Variants in CARMIL1 observed in about 807,000 individuals in gnomAD.
The protein encoded by CARMIL1 is F-actin-uncapping protein LRRC16A.
A neutral mutation model predicts 177.1 loss-of-function variants in CARMIL1; 90 were observed. The ratio of observed to expected loss-of-function variants is 0.51; its 90% CI spans 0.43 to 0.61. The LOEUF is 0.61. Ranked by LOEUF, CARMIL1 falls within the 20% of genes least tolerant of loss-of-function variation. The probability of loss-of-function intolerance (pLI) is 0.00; values close to 1 mark genes in which losing one functional copy is unlikely to be tolerated. For missense variants in CARMIL1, 1,380 were observed against 1,667.0 expected, an observed-to-expected ratio of 0.83 and a Z score of 3.00; for synonymous variants, 577 against 606.2, an observed-to-expected ratio of 0.95 and a Z score of 0.71.
intron 20 of CARMIL1, 52 bp downstream of exon 20, chr6:25,510,814 T>C: frequency 9.4e-7 from 1 of 1,065,868 alleles, no homozygotes; most frequent in Non-Finnish European, 1.4e-6. Context: ...TTGCCATTCT[T>C]ACTGATTATT....
At chr6:25,353,696 A>T (rs923193760) in intron 2 of CARMIL1, among the ~76,000 whole-genome samples, 1 of 152,076 alleles carries the variant, frequency 6.6e-6, no homozygotes, top group African/African-American at 2.4e-5. Flanking sequence ...AGATGAGGGC[A>T]CTTTGTACGT....
intron 3 of CARMIL1, 176 bp downstream of exon 3, chr6:25,420,340 G>A (rs952208926): frequency 6.3e-6 from 4 of 638,016 alleles, no homozygotes; most frequent in Non-Finnish European, 8.2e-6. Flanking sequence ...ATTTCTCTTA[G>A]CACATTCAAG....
chr6:25,613,327 A>G (rs1816649491), intron 36 of CARMIL1, among the ~76,000 whole-genome samples: 1 of 152,236 alleles, frequency 6.6e-6, no homozygotes, highest in Admixed American at 6.5e-5. Flanking sequence ...GAAAGGATCA[A>G]TAAAAAGTCA....
chr6:25,452,749 C>T (rs1487640999), intron 8 of CARMIL1, among the ~76,000 whole-genome samples: 1 of 152,160 alleles, frequency 6.6e-6, no homozygotes. Flanking sequence ...TCTGCATTCA[C>T]AAAATTGTGA....
At chr6:25,304,355 G>A (rs1390216629) in intron 2 of CARMIL1, among the ~76,000 whole-genome samples, 3 of 152,166 alleles carry the variant, frequency 2.0e-5, no homozygotes, top group Non-Finnish European at 2.9e-5. Context: ...TCTTAACTAG[G>A]ATGTCCTATA....
chr6:25,447,334 T>C (rs1798330653), intron 5 of CARMIL1, among the ~76,000 whole-genome samples: 1 of 152,178 alleles, frequency 6.6e-6, no homozygotes. Context: ...TGAGGTTTTC[T>C]CTAGGAGTAG....
rs1213842144 is a variant in CARMIL1, at chr6:25,554,077, C to T, written c.2573C>T (p.Ser858Leu). Residue 858 changes from serine to leucine, a missense_variant, in exon 28 of 37, where the codon TCA becomes TTA. Coordinates refer to ENST00000329474, the MANE Select transcript of CARMIL1 (RefSeq NM_017640.6). This position sits in a 1 kb window ranked among gnomAD's most constrained non-coding sequence, Gnocchi z 4.6. ...RIVDEILDALSHCHHKLADHF... is the reference protein window; with the variant it reads ...RIVDEILDALLHCHHKLADHF... ...GTGGATGAAATCCTGGATGCACTCT[C>T]ACATTGCCATCATAAACTGGTGAGT... 1.9e-6 allele frequency: 3 copies of T among 1,595,676 alleles called. No individual in the cohort carries two copies. The highest frequency in any genetic ancestry group is 2.6e-6 in the Non-Finnish European group (3 of 1,170,610).
At chr6:25,288,387 G>C (rs1781683387) in intron 2 of CARMIL1, among the ~76,000 whole-genome samples, 2 of 151,592 alleles carry the variant, frequency 1.3e-5, no homozygotes, top group Non-Finnish European at 2.9e-5. Flanking sequence ...TGCCACCTGT[G>C]TATAATGAAA....
chr6:25,293,853 C>T (rs961591027), intron 2 of CARMIL1, among the ~76,000 whole-genome samples: 3 of 152,152 alleles, frequency 2.0e-5, no homozygotes, highest in African/African-American at 7.2e-5. Flanking sequence ...TCCCAAGTGG[C>T]TAAGACTACA....
chr6:25,476,043 C>G (rs1259680574), intron 11 of CARMIL1, among the ~76,000 whole-genome samples: 2 of 152,218 alleles, frequency 1.3e-5, no homozygotes, highest in Non-Finnish European at 2.9e-5. Flanking sequence ...AAGACTTCGT[C>G]CACAATCAAC....
intron 29 of CARMIL1, among the ~76,000 whole-genome samples, chr6:25,568,082 G>A (rs574439064): frequency 7.2e-5 from 11 of 152,168 alleles, no homozygotes; most frequent in Non-Finnish European, 1.3e-4. Flanking sequence ...GGCCTTTGAC[G>A]TATGTGCTGA....
chr6:25,516,920 TG>T (rs1286221349), intron 21 of CARMIL1, among the ~76,000 whole-genome samples: 2 of 152,136 alleles, frequency 1.3e-5, no homozygotes, highest in Non-Finnish European at 2.9e-5. Flanking sequence ...TTTTACTGTT[TG>T]GGGGGAACAA....
At chr6:25,504,035 A>G (rs1804682708) in intron 17 of CARMIL1, among the ~76,000 whole-genome samples, 1 of 152,156 alleles carries the variant, frequency 6.6e-6, no homozygotes, top group South Asian at 2.1e-4. Context: ...AACAGAAGCT[A>G]TTGTGAGATA....
chr6:25,523,762 G>A (rs921307892), intron 23 of CARMIL1, among the ~76,000 whole-genome samples: 2 of 152,130 alleles, frequency 1.3e-5, no homozygotes, highest in Admixed American at 1.3e-4. Context: ...CTGAAAACTG[G>A]GGACTGGAAA....
chr6:25,324,686 G>T (rs932152067), intron 2 of CARMIL1, among the ~76,000 whole-genome samples: 2 of 152,128 alleles, frequency 1.3e-5, no homozygotes, highest in African/African-American at 4.8e-5. Context: ...TTGGGGAGAT[G>T]GAAAATAAAT....
intron 15 of CARMIL1, 97 bp downstream of exon 15, chr6:25,492,121 T>C: frequency 9.8e-7 from 1 of 1,015,874 alleles, no homozygotes; most frequent in Non-Finnish European, 1.5e-6. Context: ...GTGAATGTTG[T>C]ATATGAAAGA....
chr6:25,329,562 A>T (rs1280288173), intron 2 of CARMIL1, among the ~76,000 whole-genome samples: 4 of 152,212 alleles, frequency 2.6e-5, no homozygotes. Context: ...AAAGCACATG[A>T]GCAAAGTCTG....
At chr6:25,517,543 T>C in intron 22 of CARMIL1, 128 bp downstream of exon 22, 1 of 668,276 alleles carries the variant, frequency 1.5e-6, no homozygotes, top group Non-Finnish European at 2.6e-6. Flanking sequence ...GAATTTAGTC[T>C]ACAGCTAACC....
At chr6:25,457,272 T>C (rs748679195) in intron 8 of CARMIL1, among the ~76,000 whole-genome samples, 1 of 152,200 alleles carries the variant, frequency 6.6e-6, no homozygotes, top group African/African-American at 2.4e-5. Flanking sequence ...ATGTTAGTGC[T>C]GTAGTACATG....
Sources: allele counts gnomAD v4.1 joint callset (sites outside exome capture counted in the v4.1 genomes callset), GRCh38; gene constraint gnomAD v4.1.1; non-coding constraint Gnocchi (gnomAD v3.1); transcripts MANE v1.5; gene names NCBI Gene and HGNC (gene_info 2026-07-23, HGNC 2026-07-21).